Variants in ETV6 observed in about 807,000 individuals in gnomAD.
The protein encoded by ETV6 is transcription factor ETV6.
ETV6 carries 16 observed loss-of-function variants against 51.1 expected under a neutral mutation model. The ratio of observed to expected loss-of-function variants is 0.31; its 90% CI spans 0.21 to 0.48. The LOEUF (loss-of-function observed/expected upper bound fraction) is 0.48, where lower values mean the gene tolerates loss of function less well. ETV6 is among the 20% of genes least tolerant of loss of function. ETV6 has a pLI of 0.99. For synonymous variants in ETV6, 240 were observed against 224.1 expected (o/e 1.07, Z -0.64); for missense variants, 458 against 594.8 (o/e 0.77, Z 2.39).
At chr12:11,736,729 A>C (rs888706112) in intron 1 of ETV6, among the ~76,000 whole-genome samples, 1 of 152,214 alleles carries the variant, frequency 6.6e-6, no homozygotes, top group Non-Finnish European at 1.5e-5. Flanking sequence ...GAGCGCATCT[A>C]CTGGAGAGGA....
chr12:11,745,872 A>G (rs948325592), intron 1 of ETV6, among the ~76,000 whole-genome samples: 1 of 152,226 alleles, frequency 6.6e-6, no homozygotes, highest in Non-Finnish European at 1.5e-5. Context: ...CGGCCAAGTT[A>G]TCATTTGCAT....
At chr12:11,701,109 T>C (rs1864972243) in intron 1 of ETV6, among the ~76,000 whole-genome samples, 1 of 152,170 alleles carries the variant, frequency 6.6e-6, no homozygotes, top group Non-Finnish European at 1.5e-5. Flanking sequence ...CTTTTTTCTT[T>C]TGCACTTTAA....
intron 2 of ETV6, among the ~76,000 whole-genome samples, chr12:11,815,275 C>T (rs1486789676): frequency 6.6e-6 from 1 of 152,194 alleles, no homozygotes; most frequent in Non-Finnish European, 1.5e-5. Flanking sequence ...TAGCTGAGTC[C>T]TATCCAAGCA....
intron 2 of ETV6, among the ~76,000 whole-genome samples, chr12:11,816,805 C>T (rs942804778): frequency 6.6e-6 from 1 of 152,196 alleles, no homozygotes; most frequent in Non-Finnish European, 1.5e-5. Context: ...AGGGTCCCCA[C>T]TGCAGTTGAC....
intron 2 of ETV6, among the ~76,000 whole-genome samples, chr12:11,819,789 C>G (rs542968821): frequency 7.9e-5 from 12 of 152,350 alleles, no homozygotes; most frequent in Middle Eastern, 3.4e-3. Flanking sequence ...CAATATCTGT[C>G]ATCTCCATTT....
chr12:11,732,655 C>T (rs1439203392), intron 1 of ETV6, among the ~76,000 whole-genome samples: 2 of 152,062 alleles, frequency 1.3e-5, no homozygotes, highest in Non-Finnish European at 2.9e-5. Flanking sequence ...TTCCTTGGTG[C>T]TCCAGCTTGG....
chr12:11,709,935 A>C (rs909078141), intron 1 of ETV6, among the ~76,000 whole-genome samples: 1 of 152,156 alleles, frequency 6.6e-6, no homozygotes. Flanking sequence ...GTATGCATTT[A>C]TATATACACA....
At chr12:11,839,022 G>A (rs1187412216) in intron 2 of ETV6, 118 bp from the exon 3 acceptor site, 4 of 1,075,178 alleles carry the variant, frequency 3.7e-6, no homozygotes, top group Non-Finnish European at 5.2e-6. Context: ...GAACATAAGG[G>A]CTCTTGAGAT....
chr12:11,869,995 C>G lies in ETV6; in HGVS notation c.1009+26C>G, dbSNP rs758712416. ...GTGAGTGAGTTCCCCTCTCGCCGCT[C>G]CAGCATCATGGGGACCTGACAAAGT... On this transcript the variant is annotated intron_variant, in intron 5 of 7. Coordinates refer to ENST00000396373, the MANE Select transcript of ETV6 (RefSeq NM_001987.5). This position sits in a 1 kb window ranked among gnomAD's most constrained non-coding sequence, Gnocchi z 5.0. 4.4e-6 allele frequency: 7 copies of G among 1,573,064 alleles called. No homozygotes were observed. In the Admixed American group the frequency reaches 1.2e-4, roughly 27 times the overall value.
intron 7 of ETV6, among the ~76,000 whole-genome samples, chr12:11,887,746 C>T (rs1442841478): frequency 1.6e-5 from 2 of 123,166 alleles, no homozygotes; most frequent in South Asian, 2.7e-4. Flanking sequence ...GACTCCATCT[C>T]AAGAAAAAAA....
At chr12:11,757,904 G>C (rs1010410477) in intron 2 of ETV6, among the ~76,000 whole-genome samples, 1 of 152,176 alleles carries the variant, frequency 6.6e-6, no homozygotes, top group African/African-American at 2.4e-5. Context: ...GTTTATTCTG[G>C]TTTTGTTCAC....
intron 4 of ETV6, among the ~76,000 whole-genome samples, chr12:11,866,351 G>C (rs1022542733): frequency 5.9e-5 from 9 of 152,016 alleles, no homozygotes; most frequent in Non-Finnish European, 1.3e-4. Context: ...ATTATCTCAG[G>C]TTCTGTTTCT....
intron 1 of ETV6, among the ~76,000 whole-genome samples, chr12:11,694,642 CTTT>C (rs1864839583): frequency 6.6e-6 from 1 of 152,182 alleles, no homozygotes; most frequent in Non-Finnish European, 1.5e-5. Flanking sequence ...AGTGAAGACT[CTTT>C]TTCCACCTGG....
intron 1 of ETV6, among the ~76,000 whole-genome samples, chr12:11,694,463 A>C (rs879672627): frequency 1.5e-4 from 23 of 152,218 alleles, no homozygotes; most frequent in Non-Finnish European, 2.6e-4. Context: ...CCATGTTTAA[A>C]CCAAATGTAC....
rs536927234 is a variant in ETV6 at position 11,893,323 on chromosome 12, A to G, written c.*2277A>G. 4.3e-6 allele frequency: 1 copy of G among 231,184 alleles called. No individual in the cohort carries two copies. Among genetic ancestry groups the G allele is most frequent in the South Asian group, 1.8e-4 (1 of 5,432 alleles). 14.3% of individuals were successfully genotyped at this position (231,184 alleles called of 1,614,324 possible). A position where few individuals can be genotyped will look rare whatever the true frequency, so the allele number is the denominator to read the frequency against. On this transcript the variant is annotated 3_prime_UTR_variant, in exon 8 of 8. Transcript: ENST00000396373. ...TAGAGCCTCTCAGTCTGGCCTCTTC[A>G]CCCAAGTGCAAGAACTCAGTCTCTT... is the stretch of plus-strand genomic sequence containing the variant.
At chr12:11,738,612 G>A (rs1313786884) in intron 1 of ETV6, among the ~76,000 whole-genome samples, 1 of 152,052 alleles carries the variant, frequency 6.6e-6, no homozygotes, top group Non-Finnish European at 1.5e-5. Context: ...TCTGCCCTGT[G>A]CCACTTTTCC....
rs1471948383 is a variant in ETV6, at chr12:11,869,840, G to A, written c.880G>A (p.Glu294Lys). 1.9e-6 allele frequency: 3 copies of A among 1,613,254 alleles called. No homozygotes were observed. The highest frequency in any genetic ancestry group is 2.2e-5 in the East Asian group (1 of 44,894). ...GGATTTCAAACAGTCCAGGCTCTCC[G>A]AGGACGGGCTGCATAGGGAAGGGAA... is the stretch of plus-strand genomic sequence containing the variant. ...SVDFKQSRLS[E>K]DGLHREGKPI... The change falls in exon 5 of 8, where the codon GAG becomes AAG. Residue 294 changes from glutamate (E) to lysine (K), a missense_variant. By Grantham distance (56) the Glu-to-Lys change is moderately conservative (BLOSUM62 1). This residue lies in a region of ETV6 where 293 missense variants were observed against 315.7 expected (regional missense o/e 0.93). Coordinates refer to ENST00000396373, the MANE Select transcript of ETV6 (RefSeq NM_001987.5). This position sits in a 1 kb window ranked among gnomAD's most constrained non-coding sequence, Gnocchi z 5.0.
At position 11,791,470 on chromosome 12, in the gene ETV6, TGATAGTC is replaced by T. The variant is rs546395720; in HGVS notation, c.163+38892_163+38898del. On this transcript the variant is annotated intron_variant, in intron 2 of 7. Transcript: ENST00000396373. ...TGTCCATTGAAATTGTTGTCACTAT[TGATAGTC>T]TTTTTACCCTTAGACCAGTACAACT... Among the ~76,000 whole-genome samples, 27 of 152,366 alleles carry T rather than the reference TGATAGTC, an allele frequency of 1.8e-4. No individual in the cohort carries two copies. The East Asian group carries it at 5.2e-3, about 29-fold the overall frequency.
chr12:11,792,426 C>A (rs138534105), intron 2 of ETV6, among the ~76,000 whole-genome samples: 1 of 152,174 alleles, frequency 6.6e-6, no homozygotes, highest in Non-Finnish European at 1.5e-5. Context: ...AGGTGGCTCA[C>A]GCCTGTAATC....
Sources: gnomAD v4.1 joint callset for allele counts (sites outside exome capture counted in the v4.1 genomes callset) on GRCh38, gnomAD v4.1.1 for gene constraint, gnomAD v4.1.1 regional missense constraint, Gnocchi (gnomAD v3.1) non-coding constraint, MANE v1.5 for transcripts, NCBI Gene and HGNC (gene_info 2026-07-23, HGNC 2026-07-21) for gene names.